The following CAMK4 variants were observed in gnomAD, a reference collection of about 807,000 sequenced individuals.
The protein encoded by CAMK4 is calcium/calmodulin-dependent protein kinase type IV.
CAMK4 carries 22 observed loss-of-function variants against 44.9 expected under a neutral mutation model. The ratio of observed to expected loss-of-function variants is 0.49; its 90% confidence interval spans 0.35 to 0.70. The LOEUF (loss-of-function observed/expected upper bound fraction) is 0.70. Among genes scored for constraint, CAMK4 ranks in the 30% least tolerant of loss-of-function variants. The pLI, the probability that CAMK4 is intolerant of heterozygous loss-of-function variation, is 0.01. For synonymous variants in CAMK4, 218 were observed against 215.4 expected (o/e 1.01, Z -0.11); for missense variants, 498 against 586.8 (o/e 0.85, Z 1.56).
chr5:111,379,816 C>T (rs1286893426), intron 4 of CAMK4, among the ~76,000 whole-genome samples: 1 of 151,722 alleles, frequency 6.6e-6, no homozygotes, highest in East Asian at 1.9e-4. Flanking sequence ...ATTTAATTAG[C>T]AAAAAATCTA....
At chr5:111,367,503 A>G (rs1447510712) in intron 2 of CAMK4, among the ~76,000 whole-genome samples, 1 of 152,098 alleles carries the variant, frequency 6.6e-6, no homozygotes, top group African/African-American at 2.4e-5. Context: ...GTGATTGGAC[A>G]AAACTCTGAT....
At chr5:111,359,766 G>T (rs1241739119) in intron 2 of CAMK4, among the ~76,000 whole-genome samples, 7 of 152,026 alleles carry the variant, frequency 4.6e-5, no homozygotes, top group Non-Finnish European at 1.0e-4. Context: ...TGTATATGGT[G>T]TAAGGAAGGA....
At chr5:111,432,402 C>A (rs1459425488) in intron 5 of CAMK4, among the ~76,000 whole-genome samples, 1 of 151,082 alleles carries the variant, frequency 6.6e-6, no homozygotes, top group Non-Finnish European at 1.5e-5. Flanking sequence ...TTAATGGGTA[C>A]CAAGAAAAAT....
At chr5:111,287,107 C>CT in intron 1 of CAMK4, among the ~76,000 whole-genome samples, 2 of 152,244 alleles carry the variant, frequency 1.3e-5, no homozygotes, top group East Asian at 3.9e-4. Flanking sequence ...CTTACTGAAA[C>CT]TTTTTTTAAC....
chr5:111,271,269 TA>T (rs542704555), intron 1 of CAMK4, among the ~76,000 whole-genome samples: 134 of 152,316 alleles, frequency 8.8e-4, no homozygotes, highest in Non-Finnish European at 1.3e-3. Flanking sequence ...TATGACATTT[TA>T]AACTGTGAGA....
At chr5:111,296,843 G>A (rs1041128539) in intron 1 of CAMK4, among the ~76,000 whole-genome samples, 1 of 152,170 alleles carries the variant, frequency 6.6e-6, no homozygotes, top group Non-Finnish European at 1.5e-5. Flanking sequence ...CTGGATCTGT[G>A]CATAATACCC....
chr5:111,237,907 C>T (rs906192706), intron 1 of CAMK4, among the ~76,000 whole-genome samples: 10 of 152,192 alleles, frequency 6.6e-5, no homozygotes, highest in East Asian at 3.8e-4. Context: ...GCTTAATCAT[C>T]GATCAAAAAG....
chr5:111,247,529 T>C (rs549310941), intron 1 of CAMK4, among the ~76,000 whole-genome samples: 6 of 150,586 alleles, frequency 4.0e-5, no homozygotes, highest in African/African-American at 1.5e-4. Context: ...TATTTATAAA[T>C]AAATGAATAT....
rs1239978503 is a variant in CAMK4, at chr5:111,489,074, A to C, written c.*4608A>C. 6.6e-6 allele frequency: 1 copy of C among 152,154 alleles called. No homozygotes were observed. The highest frequency in any genetic ancestry group is 1.9e-4 in the East Asian group (1 of 5,200). The allele number at this position is 152,154 out of a possible 1,614,324, so 9.4% of individuals were successfully genotyped here. A position where few individuals can be genotyped will look rare whatever the true frequency, so the allele number is the denominator to read the frequency against. On this transcript the variant is annotated 3_prime_UTR_variant, in exon 11 of 11. Coordinates refer to ENST00000282356, the MANE Select transcript of CAMK4 (RefSeq NM_001744.6). The stretch of plus-strand genomic sequence containing the variant: ...TGGTTGAACATTGTTTAATGGTTAG[A>C]TGTTATGTGTGTCTGCATTTAAAAA...
At chr5:111,267,703 C>CAAAAAAAAAAA (rs59699712) in intron 1 of CAMK4, among the ~76,000 whole-genome samples, 1 of 71,734 alleles carries the variant, frequency 1.4e-5, no homozygotes, top group Non-Finnish European at 2.5e-5. Flanking sequence ...GACTCCGTCT[C>CAAAAAAAAAAA]AAAAAAAAAA....
At chr5:111,451,716 C>T (rs1580772013) in intron 7 of CAMK4, among the ~76,000 whole-genome samples, 1 of 151,450 alleles carries the variant, frequency 6.6e-6, no homozygotes, top group Non-Finnish European at 1.5e-5. Context: ...CGAGCCTGGC[C>T]AACATGGTGA....
At chr5:111,284,991 C>T (rs1274582325) in intron 1 of CAMK4, among the ~76,000 whole-genome samples, 1 of 152,230 alleles carries the variant, frequency 6.6e-6, no homozygotes, top group Non-Finnish European at 1.5e-5. Context: ...ATATGCTACA[C>T]ATCCTGGAAA....
intron 5 of CAMK4, among the ~76,000 whole-genome samples, chr5:111,431,720 CA>C (rs1753448828): frequency 6.6e-6 from 1 of 152,024 alleles, no homozygotes; most frequent in African/African-American, 2.4e-5. Flanking sequence ...AGACATTTCT[CA>C]AAAGAAGACA....
chr5:111,278,112 C>T (rs577405989), intron 1 of CAMK4, among the ~76,000 whole-genome samples: 3 of 152,254 alleles, frequency 2.0e-5, no homozygotes, highest in South Asian at 4.1e-4. Flanking sequence ...CCTCTGTATG[C>T]GTTAGTTCTC....
Position 111,493,376 on chromosome 5 carries a change from C to A in CAMK4, c.*8910C>A, listed in dbSNP as rs1009945206. On this transcript the variant is annotated 3_prime_UTR_variant, in exon 11 of 11. Coordinates refer to ENST00000282356, the MANE Select transcript of CAMK4 (RefSeq NM_001744.6). The surrounding 1 kb of genome is among the most constrained non-coding windows in gnomAD (Gnocchi z 4.1). ...TAAATGATAGTATGACAGATAATTT[C>A]AAGTTTTCCAAGACTCCAATTTCTG... 1 of 152,160 alleles carries A rather than the reference C, an allele frequency of 6.6e-6. No homozygotes were observed. The highest frequency in any genetic ancestry group is 2.4e-5 in the African/African-American group (1 of 41,440). The allele number at this position is 152,160 out of a possible 1,614,324, so 9.4% of individuals were successfully genotyped here.
rs376969820 is a variant in CAMK4 at position 111,312,129 on chromosome 5, A to G, written c.162-31895A>G. 3.3e-5 allele frequency among the ~76,000 whole-genome samples: 5 copies of G among 152,160 alleles called. No individual in the cohort carries two copies. In the East Asian group the frequency reaches 5.8e-4, roughly 18 times the overall value. ...TCATTCTAAGAAATAACTCTATTTCATTGTGAGGTGATGCACCCTGCAACC... is the reference window on the plus strand; with the variant it reads ...TCATTCTAAGAAATAACTCTATTTCGTTGTGAGGTGATGCACCCTGCAACC... On this transcript the variant is annotated intron_variant, in intron 1 of 10. Coordinates refer to ENST00000282356, the MANE Select transcript of CAMK4 (RefSeq NM_001744.6).
At chr5:111,343,896 T>C in intron 1 of CAMK4, 128 bp from the exon 2 acceptor site, 1 of 609,872 alleles carries the variant, frequency 1.6e-6, no homozygotes, top group Non-Finnish European at 3.0e-6. Flanking sequence ...GGGCTGGTCC[T>C]ATAATAGAAC....
At chr5:111,363,895 G>A (rs1267326026) in intron 2 of CAMK4, among the ~76,000 whole-genome samples, 2 of 152,090 alleles carry the variant, frequency 1.3e-5, no homozygotes, top group Admixed American at 6.6e-5. Context: ...AACATGATCT[G>A]ATTTACATTT....
At chr5:111,445,527 C>G (rs746919985) in intron 5 of CAMK4, among the ~76,000 whole-genome samples, 1 of 152,216 alleles carries the variant, frequency 6.6e-6, no homozygotes, top group Middle Eastern at 3.4e-3. Context: ...CTCCTGGGCT[C>G]AAGTGATCCT....
Sources: gnomAD v4.1 joint callset for allele counts (sites outside exome capture counted in the v4.1 genomes callset) on GRCh38, gnomAD v4.1.1 for gene constraint, Gnocchi (gnomAD v3.1) non-coding constraint, MANE v1.5 for transcripts, NCBI Gene and HGNC (gene_info 2026-07-23, HGNC 2026-07-21) for gene names.